FAM13B: variants seen among roughly 807,000 people sequenced by gnomAD.
The protein encoded by FAM13B is protein FAM13B.
A neutral mutation model predicts 117.3 loss-of-function variants in FAM13B; 60 were observed. The observed-to-expected ratio is 0.51, with a 90% confidence interval of 0.42 to 0.63. The LOEUF is 0.63. Among genes scored for constraint, FAM13B ranks in the 30% least tolerant of loss-of-function variants. FAM13B has a pLI of 0.00. For synonymous variants in FAM13B, 332 were observed against 356.1 expected (o/e 0.93, Z 0.76); for missense variants, 972 against 1,091.9 (o/e 0.89, Z 1.55).
At chr5:137,959,814 C>A (rs748276120) in intron 12 of FAM13B, 51 bp from the exon 13 acceptor site, 4 of 1,574,806 alleles carry the variant, frequency 2.5e-6, no homozygotes, top group South Asian at 2.3e-5. Flanking sequence ...GCTTTTCACA[C>A]CCAGCTTAAA....
chr5:138,048,947 T>C (rs1266226518), intron 1 of FAM13B, among the ~76,000 whole-genome samples: 1 of 149,764 alleles, frequency 6.7e-6, no homozygotes, highest in Admixed American at 6.7e-5. Context: ...TTTCTTTTTT[T>C]TTTTTTTTTT....
intron 1 of FAM13B, among the ~76,000 whole-genome samples, chr5:138,043,974 A>G (rs1791572993): frequency 6.6e-6 from 1 of 152,030 alleles, no homozygotes; most frequent in Non-Finnish European, 1.5e-5. Context: ...GCTGGAGTAC[A>G]GTGGCTCCAT....
rs567711061 is a variant in FAM13B at position 138,019,283 on chromosome 5, T to C, written c.-35-137A>G. The stretch of plus-strand genomic sequence containing the variant: ...TGTTCCAGTTAGCAGGCCCATAGTG[T>C]GTTCTACAGATGAAGTTCAGTACAA... On this transcript the variant is annotated intron_variant, in intron 2 of 23. Coordinates refer to ENST00000689681, the MANE Select transcript of FAM13B (RefSeq NM_001385994.1). The C allele has an allele frequency of 2.9e-5, 20 of 692,524 alleles. 1 individual carries two copies. The South Asian group carries it at 4.1e-4, about 14-fold the overall frequency. The allele number at this position is 692,524 out of a possible 1,614,324, so 42.9% of individuals were successfully genotyped here.
intron 9 of FAM13B, among the ~76,000 whole-genome samples, chr5:137,986,237 T>C (rs1026584086): frequency 6.6e-6 from 1 of 152,178 alleles, no homozygotes; most frequent in African/African-American, 2.4e-5. Flanking sequence ...TTGTACTATA[T>C]GGTATTCCAA....
chr5:137,966,488 T>TATATATATATATAGAGAGAGAGAG (rs1461425784), intron 10 of FAM13B, among the ~76,000 whole-genome samples: 3 of 29,482 alleles, frequency 1.0e-4, no homozygotes, highest in African/African-American at 1.3e-4. Context: ...TATATATATA[T>TATATATATATATAGAGAGAGAGAG]AGAGAGAGAG....
chr5:137,950,226 T>C (rs2150187749), intron 17 of FAM13B, among the ~76,000 whole-genome samples: 1 of 152,284 alleles, frequency 6.6e-6, no homozygotes, highest in East Asian at 1.9e-4. Context: ...GGAGTATAAT[T>C]TGTGGAGGAA....
intron 7 of FAM13B, among the ~76,000 whole-genome samples, chr5:137,997,235 C>T (rs533527031): frequency 2.0e-5 from 3 of 152,112 alleles, no homozygotes; most frequent in South Asian, 2.1e-4. Flanking sequence ...TTTGGGAGGC[C>T]GAGGCAGGTG....
At chr5:137,980,370 G>C (rs1775348262) in intron 10 of FAM13B, among the ~76,000 whole-genome samples, 1 of 151,516 alleles carries the variant, frequency 6.6e-6, no homozygotes, top group African/African-American at 2.4e-5. Context: ...CATTCATAAA[G>C]GTTTCCTAAA....
chr5:138,033,125 G>A, upstream of FAM13B: 1 of 867,552 alleles, frequency 1.2e-6, no homozygotes, highest in African/African-American at 1.8e-5. Flanking sequence ...GGAGGGGGCG[G>A]GGCAGGCCGC....
Position 138,041,407 on chromosome 5 carries a change from T to C in FAM13B, c.-203+10471A>G, listed in dbSNP as rs553797136. 2.6e-5 allele frequency among the ~76,000 whole-genome samples: 4 copies of C among 152,320 alleles called. No individual in the cohort carries two copies. In the South Asian group the frequency reaches 8.3e-4, roughly 32 times the overall value. On this transcript the variant is annotated intron_variant, in intron 1 of 3. Transcript: ENST00000502471. ...TTGTATTGTTTAAGAGGAGGCTAAA[T>C]AAGTCTATAATTTGTTGAGTTAAAT...
chr5:137,971,760 T>A, intron 10 of FAM13B, among the ~76,000 whole-genome samples: 1 of 146,460 alleles, frequency 6.8e-6, no homozygotes, highest in African/African-American at 2.5e-5. Context: ...ATAGACGCAA[T>A]AAAAAATGAT....
chr5:137,959,464 A>C (rs1268965636), intron 13 of FAM13B, 152 bp downstream of exon 13: 5 of 773,870 alleles, frequency 6.5e-6, no homozygotes, highest in Non-Finnish European at 8.1e-6. Flanking sequence ...GTTTCACTAA[A>C]AACACCCACT....
chr5:137,972,398 C>T (rs1302176158), intron 10 of FAM13B, among the ~76,000 whole-genome samples: 4 of 152,180 alleles, frequency 2.6e-5, no homozygotes, highest in South Asian at 2.1e-4. Context: ...AGGCCTTTGA[C>T]AAAATTCAAC....
At chr5:138,049,377 G>A (rs1581337079) in intron 1 of FAM13B, among the ~76,000 whole-genome samples, 1 of 152,224 alleles carries the variant, frequency 6.6e-6, no homozygotes, top group East Asian at 1.9e-4. Flanking sequence ...GGGTTCAAGC[G>A]ATTCTCCTGC....
intron 6 of FAM13B, among the ~76,000 whole-genome samples, chr5:138,008,173 C>T (rs1194500784): frequency 1.3e-5 from 2 of 152,152 alleles, no homozygotes; most frequent in Admixed American, 6.5e-5. Flanking sequence ...TGGTCGGTGG[C>T]TCACACCTAT....
intron 1 of FAM13B, 31 bp from the exon 2 acceptor site, chr5:138,021,228 C>T (rs1171719862): frequency 5.7e-6 from 7 of 1,227,282 alleles, no homozygotes; most frequent in Non-Finnish European, 4.1e-6. Context: ...TTTCAATTTC[C>T]CACATCTTTA....
chr5:137,989,520 T>C (rs2057663264), intron 7 of FAM13B, among the ~76,000 whole-genome samples: 1 of 152,176 alleles, frequency 6.6e-6, no homozygotes, highest in African/African-American at 2.4e-5. Context: ...TGTTTACCAA[T>C]ATTCACACTT....
chr5:138,040,161 G>A (rs186683913), intron 1 of FAM13B, among the ~76,000 whole-genome samples: 171 of 151,756 alleles, frequency 1.1e-3, no homozygotes, highest in African/African-American at 3.8e-3. Flanking sequence ...CTACTGGGGA[G>A]GCTGAGGCAG....
intron 13 of FAM13B, among the ~76,000 whole-genome samples, chr5:137,956,758 G>GGC (rs898231501): frequency 4.3e-4 from 39 of 90,808 alleles, no homozygotes; most frequent in Admixed American, 1.3e-3. Context: ...ATGCAAAAAA[G>GGC]GGGGGGGAAA....
Sources: gnomAD v4.1 joint callset for allele counts (sites outside exome capture counted in the v4.1 genomes callset) on GRCh38, gnomAD v4.1.1 for gene constraint, MANE v1.5 for transcripts, NCBI Gene and HGNC (gene_info 2026-07-23, HGNC 2026-07-21) for gene names.